CNTN3: variants seen among roughly 807,000 people sequenced by gnomAD.
The protein encoded by CNTN3 is contactin-3.
In CNTN3, 60 loss-of-function variants were observed where a neutral mutation model predicts 119.1. The observed-to-expected ratio is 0.50, with a 90% CI of 0.41 to 0.62. The LOEUF (loss-of-function observed/expected upper bound fraction) is 0.62, where lower values mean the gene tolerates loss of function less well. Ranked by LOEUF, CNTN3 falls within the 20% of genes least tolerant of loss-of-function variation. CNTN3 has a pLI of 0.00. For missense variants in CNTN3, 1,101 were observed against 1,242.4 expected (o/e 0.89, Z 1.71); for synonymous variants, 450 against 438.7 (o/e 1.03, Z -0.32).
intron 5 of CNTN3, among the ~76,000 whole-genome samples, chr3:74,384,979 C>T (rs1704712791): frequency 6.6e-6 from 1 of 152,220 alleles, no homozygotes; most frequent in Middle Eastern, 3.4e-3. Context: ...TACTGAAGGG[C>T]CTTTCTAGGT....
At chr3:74,347,186 C>T (rs58508165) in intron 11 of CNTN3, among the ~76,000 whole-genome samples, 7,856 of 152,176 alleles carry the variant, frequency 0.052, 653 homozygotes, top group African/African-American at 0.17. Context: ...ATGTCATAAG[C>T]ATGAATTCAG....
intron 1 of CNTN3, among the ~76,000 whole-genome samples, chr3:74,587,909 C>G (rs1704623862): frequency 6.6e-6 from 1 of 152,164 alleles, no homozygotes; most frequent in Non-Finnish European, 1.5e-5. Flanking sequence ...TTTGCCCATT[C>G]AGTATGACAT....
At chr3:74,309,219 G>A (rs564339061) in intron 13 of CNTN3, among the ~76,000 whole-genome samples, 13 of 152,034 alleles carry the variant, frequency 8.6e-5, no homozygotes, top group African/African-American at 2.2e-4. Context: ...ATCCTTCCAC[G>A]TCAGCTTTCT....
chr3:74,447,570 A>T (rs2106940408), intron 4 of CNTN3, among the ~76,000 whole-genome samples: 1 of 152,098 alleles, frequency 6.6e-6, no homozygotes, highest in African/African-American at 2.4e-5. Context: ...GGAAAATAAG[A>T]CCTACTAAGA....
intron 1 of CNTN3, among the ~76,000 whole-genome samples, chr3:74,525,516 T>C (rs1257752258): frequency 6.6e-6 from 1 of 151,720 alleles, no homozygotes; most frequent in Non-Finnish European, 1.5e-5. Context: ...CTAAAATAAA[T>C]ACAAAGGAAG....
chr3:74,485,424 A>G (rs1009696555), intron 4 of CNTN3, among the ~76,000 whole-genome samples: 2 of 152,082 alleles, frequency 1.3e-5, no homozygotes, highest in Non-Finnish European at 2.9e-5. Flanking sequence ...GAAAGAAATA[A>G]AGAGAAAACA....
chr3:74,342,332 GT>G (rs1703569120), intron 11 of CNTN3, among the ~76,000 whole-genome samples: 1 of 151,996 alleles, frequency 6.6e-6, no homozygotes, highest in Non-Finnish European at 1.5e-5. Context: ...TAGTATTAGC[GT>G]TTTTATTCTT....
At chr3:74,299,961 G>A (rs1702420676) in intron 16 of CNTN3, 23 bp from the exon 17 acceptor site, 2 of 1,463,836 alleles carry the variant, frequency 1.4e-6, no homozygotes, top group African/African-American at 1.4e-5. Context: ...GAGAAACAGA[G>A]ATGAAATGGT....
At chr3:74,396,684 T>G (rs1478346907) in intron 5 of CNTN3, among the ~76,000 whole-genome samples, 1 of 143,304 alleles carries the variant, frequency 7.0e-6, no homozygotes, top group Non-Finnish European at 1.5e-5. Flanking sequence ...AGGCGGAGCT[T>G]GCAGTGAGCT....
intron 1 of CNTN3, among the ~76,000 whole-genome samples, chr3:74,602,295 C>CAAAAAAAAA (rs1167052275): frequency 2.5e-4 from 5 of 19,702 alleles, no homozygotes; most frequent in Admixed American, 6.0e-4. Flanking sequence ...GACCTGGTCT[C>CAAAAAAAAA]AAAAAAAAAA....
At chr3:74,295,308 A>G in intron 18 of CNTN3, 72 bp from the exon 19 acceptor site, 1 of 779,796 alleles carries the variant, frequency 1.3e-6, no homozygotes, top group Non-Finnish European at 2.1e-6. Context: ...TAATGTTCTT[A>G]TTTTTATAAA....
intron 2 of CNTN3, among the ~76,000 whole-genome samples, chr3:74,520,623 T>G (rs146194108): frequency 1.3e-5 from 2 of 151,546 alleles, no homozygotes; most frequent in African/African-American, 2.4e-5. Flanking sequence ...AAATTGTATC[T>G]ATATTCAGTT....
At chr3:74,344,734 C>T (rs1269803238) in intron 11 of CNTN3, among the ~76,000 whole-genome samples, 1 of 152,182 alleles carries the variant, frequency 6.6e-6, no homozygotes, top group Non-Finnish European at 1.5e-5. Flanking sequence ...GCTGGGATTA[C>T]AGGCGTTGAG....
chr3:74,339,751 T>C (rs1168420088), intron 11 of CNTN3, among the ~76,000 whole-genome samples: 4 of 152,092 alleles, frequency 2.6e-5, no homozygotes, highest in Non-Finnish European at 4.4e-5. Context: ...GGTATGCCTT[T>C]AGAGAGTCAC....
chr3:74,375,572 T>A (rs1477575293), intron 5 of CNTN3, among the ~76,000 whole-genome samples: 1 of 152,094 alleles, frequency 6.6e-6, no homozygotes, highest in Admixed American at 6.6e-5. Flanking sequence ...AGAGTCCTTA[T>A]AAGAGAGAGG....
At chr3:74,374,139 T>C (rs916159962) in intron 5 of CNTN3, among the ~76,000 whole-genome samples, 4 of 152,170 alleles carry the variant, frequency 2.6e-5, no homozygotes, top group South Asian at 2.1e-4. Context: ...TCCCCATTTT[T>C]ACAGCTACAG....
At chr3:74,536,479 T>C (rs186770571) in intron 1 of CNTN3, among the ~76,000 whole-genome samples, 1 of 152,084 alleles carries the variant, frequency 6.6e-6, no homozygotes, top group African/African-American at 2.4e-5. Flanking sequence ...TTCCCCCACT[T>C]CCCAAGACAG....
intron 4 of CNTN3, 93 bp downstream of exon 4, chr3:74,486,363 C>T (rs1702858626): frequency 9.1e-6 from 10 of 1,099,190 alleles, no homozygotes; most frequent in Non-Finnish European, 1.3e-5. Flanking sequence ...TTAATAAAAC[C>T]CATGTATTAT....
At chr3:74,488,527 G>A (rs1702901908) in intron 3 of CNTN3, among the ~76,000 whole-genome samples, 1 of 152,136 alleles carries the variant, frequency 6.6e-6, no homozygotes, top group Non-Finnish European at 1.5e-5. Flanking sequence ...TTATCATTAT[G>A]CCCTATTGTA....
Sources: allele counts gnomAD v4.1 joint callset (sites outside exome capture counted in the v4.1 genomes callset), GRCh38; gene constraint gnomAD v4.1.1; transcripts MANE v1.5; gene names NCBI Gene and HGNC (gene_info 2026-07-23, HGNC 2026-07-21).